The following ZDHHC13 variants were observed in gnomAD, a reference collection of about 807,000 sequenced individuals.
The protein encoded by ZDHHC13 is zDHHC palmitoyltransferase 13.
In ZDHHC13, 85 loss-of-function variants were observed where a neutral mutation model predicts 86.0. The ratio of observed to expected loss-of-function variants is 0.99; its 90% CI spans 0.83 to 1.18. The LOEUF (loss-of-function observed/expected upper bound fraction) is 1.18. Among genes scored for constraint, ZDHHC13 ranks in the 50% most tolerant of loss-of-function variants. The pLI is 0.00. For missense variants in ZDHHC13, 711 were observed against 730.2 expected (o/e 0.97, Z 0.30); for synonymous variants, 263 against 246.4 (o/e 1.07, Z -0.63).
chr11:19,133,975 TAATA>T lies in ZDHHC13; in HGVS notation c.28-8999_28-8996del, dbSNP rs201163689. Among the ~76,000 whole-genome samples the T allele has an allele frequency of 1.0e-3, 124 of 121,842 alleles. 1 individual carries two copies. The East Asian group carries it at 0.023, about 22-fold the overall frequency. The allele number at this position is 121,842 out of a possible 152,430, so 79.9% of individuals were successfully genotyped here. A position where few individuals can be genotyped will look rare whatever the true frequency, so the allele number is the denominator to read the frequency against. ...TGTGTTTTATATACTTCAGTCTTTA[TAATA>T]AATCATAATATTTTCAGATATTCAG... On this transcript the variant is annotated intron_variant, in intron 1 of 16. Coordinates refer to ENST00000446113, the MANE Select transcript of ZDHHC13 (RefSeq NM_019028.3).
intron 1 of ZDHHC13, among the ~76,000 whole-genome samples, chr11:19,142,703 A>T (rs1849354535): frequency 6.6e-6 from 1 of 152,200 alleles, no homozygotes; most frequent in South Asian, 2.1e-4. Context: ...GAACAGAATT[A>T]AGATAAAGAA....
chr11:19,171,391 A>G (rs1399986174), intron 15 of ZDHHC13, among the ~76,000 whole-genome samples: 1 of 152,220 alleles, frequency 6.6e-6, no homozygotes, highest in Admixed American at 6.5e-5. Context: ...AGCAAAGTAT[A>G]TTCCACTTTT....
intron 12 of ZDHHC13, 49 bp downstream of exon 12, chr11:19,164,412 T>C (rs1203325140): frequency 6.5e-7 from 1 of 1,548,606 alleles, no homozygotes; most frequent in South Asian, 1.1e-5. Context: ...AAAGTCTTGG[T>C]AACGTTGCTG....
chr11:19,156,639 G>A (rs150122491), intron 9 of ZDHHC13, among the ~76,000 whole-genome samples: 130 of 152,026 alleles, frequency 8.6e-4, no homozygotes, highest in Admixed American at 1.5e-3. Context: ...TCAGTCAAAT[G>A]GCATCCAGTT....
chr11:19,159,463 TAGTGATATTATCTAAGGCAATGATTCTCA>T (rs1849850497), intron 10 of ZDHHC13, among the ~76,000 whole-genome samples: 1 of 152,150 alleles, frequency 6.6e-6, no homozygotes, highest in Non-Finnish European at 1.5e-5. Flanking sequence ...CGGTAAGTGT[TAGTGATATTATCTAAGGCAATGATTCTCA>T]ATCCACGGTG....
intron 15 of ZDHHC13, among the ~76,000 whole-genome samples, chr11:19,171,672 ATT>A (rs1850224920): frequency 2.0e-5 from 3 of 152,316 alleles, no homozygotes; most frequent in African/African-American, 7.2e-5. Context: ...GCTTTGAGAC[ATT>A]GTTTCTAATT....
Position 19,168,308 on chromosome 11 carries a change from CCT to C in ZDHHC13, c.1474+1928_1474+1929del, listed in dbSNP as rs1171169366. 2.0e-5 allele frequency: 3 copies of C among 152,180 alleles called. No individual in the cohort carries two copies. In the East Asian group the frequency reaches 5.8e-4, roughly 29 times the overall value. The allele number at this position is 152,180 out of a possible 1,614,324, so 9.4% of individuals were successfully genotyped here. A position where few individuals can be genotyped will look rare whatever the true frequency, so the allele number is the denominator to read the frequency against. On this transcript the variant is annotated intron_variant, in intron 14 of 16. Transcript: ENST00000446113. The stretch of plus-strand genomic sequence containing the variant: ...GGAGCCAGAGTTTACACCACTCCTG[CCT>C]CTCTTCTCTTCTCTCTCTTCACTAA...
chr11:19,146,353 C>G, intron 3 of ZDHHC13, 50 bp downstream of exon 3: 1 of 1,571,196 alleles, frequency 6.4e-7, no homozygotes. Flanking sequence ...TTAGACCTCT[C>G]CTTCATTTAT....
At chr11:19,160,801 C>A (rs3802798) in intron 10 of ZDHHC13, among the ~76,000 whole-genome samples, 1 of 151,504 alleles carries the variant, frequency 6.6e-6, no homozygotes, top group Non-Finnish European at 1.5e-5. Flanking sequence ...AAACCTATTT[C>A]TTGGATGAGT....
chr11:19,130,087 TA>T (rs1167902797), intron 1 of ZDHHC13, among the ~76,000 whole-genome samples: 14 of 148,026 alleles, frequency 9.5e-5, no homozygotes, highest in South Asian at 4.3e-4. Context: ...GACTCCGTCT[TA>T]AAAAAAAAAG....
Position 19,164,415 on chromosome 11 carries a change from C to T in ZDHHC13, c.1296+52C>T, listed in dbSNP as rs117755066. 691 of 1,541,982 alleles carry T rather than the reference C, an allele frequency of 4.5e-4. 3 individuals are homozygous for T. In the East Asian group the frequency reaches 0.013, roughly 29 times the overall value. On this transcript the variant is annotated intron_variant, in intron 12 of 16. Coordinates refer to ENST00000446113, the MANE Select transcript of ZDHHC13 (RefSeq NM_019028.3). ...CGTAGTGAAAGCAAAGTCTTGGTAACGTTGCTGATGTAAGCATTTGTCAGA... is the reference window on the plus strand; with the variant it reads ...CGTAGTGAAAGCAAAGTCTTGGTAATGTTGCTGATGTAAGCATTTGTCAGA...
At chr11:19,147,402 G>T (rs1849493531) in intron 3 of ZDHHC13, among the ~76,000 whole-genome samples, 194 bp from the exon 4 acceptor site, 1 of 152,100 alleles carries the variant, frequency 6.6e-6, no homozygotes, top group Non-Finnish European at 1.5e-5. Context: ...ACATCCTAAG[G>T]ATGTTTCATC....
At chr11:19,168,100 C>G (rs1850123152) in intron 14 of ZDHHC13, 1 of 152,238 alleles carries the variant, frequency 6.6e-6, no homozygotes, top group Non-Finnish European at 1.5e-5. Context: ...ACCTGGCCAG[C>G]ATTCGATTTT....
At chr11:19,168,505 C>T (rs1850134229) in intron 14 of ZDHHC13, 2 of 152,246 alleles carry the variant, frequency 1.3e-5, no homozygotes, top group African/African-American at 4.8e-5. Context: ...TTTCATATTA[C>T]ATTTTGTTTC....
intron 10 of ZDHHC13, among the ~76,000 whole-genome samples, chr11:19,159,814 A>G (rs1297320886): frequency 6.6e-6 from 1 of 151,896 alleles, no homozygotes; most frequent in African/African-American, 2.4e-5. Flanking sequence ...GAGAGGGGTT[A>G]CTTGGGCTCT....
chr11:19,159,022 T>C lies in ZDHHC13; in HGVS notation c.1090T>C (p.Phe364Leu). 6.5e-7 allele frequency: 1 copy of C among 1,547,776 alleles called. No homozygotes were observed. The highest frequency in any genetic ancestry group is 8.7e-7 in the Non-Finnish European group (1 of 1,145,308). ...SSVFWIFMTW[F>L]ILFFPDLAGA... ...TGTTTTTTGGATATTTATGACTTGG[T>C]TCATCTTATTTTTTCCTGATATCCT... The change falls in exon 10 of 17, where the codon TTC becomes CTC. Residue 364 changes from phenylalanine to leucine, a missense_variant. Coordinates refer to ENST00000446113, the MANE Select transcript of ZDHHC13 (RefSeq NM_019028.3).
intron 12 of ZDHHC13, chr11:19,164,828 T>A (rs1436126583): frequency 1.9e-6 from 1 of 532,388 alleles, no homozygotes; most frequent in Non-Finnish European, 3.4e-6. Flanking sequence ...GCTTAGCCAG[T>A]GTGAACAGGC....
intron 8 of ZDHHC13, among the ~76,000 whole-genome samples, chr11:19,155,409 C>T (rs1348794599): frequency 2.0e-5 from 3 of 151,752 alleles, no homozygotes; most frequent in Non-Finnish European, 2.9e-5. Flanking sequence ...AGTGAAACCC[C>T]GTCTCTACTA....
chr11:19,169,254 A>C, intron 14 of ZDHHC13: 1 of 985,388 alleles, frequency 1.0e-6, no homozygotes, highest in Non-Finnish European at 1.2e-6. Context: ...CTTTTTTGTG[A>C]TATCAGGTGC....
Sources: allele counts gnomAD v4.1 joint callset (sites outside exome capture counted in the v4.1 genomes callset), GRCh38; gene constraint gnomAD v4.1.1; transcripts MANE v1.5; gene names NCBI Gene and HGNC (gene_info 2026-07-23, HGNC 2026-07-21).